Variants in TAOK3 observed in about 807,000 individuals in gnomAD.
The protein encoded by TAOK3 is TAO kinase 3.
Under a neutral mutation model 120.4 loss-of-function variants are expected in TAOK3, and 40 were observed. That is an observed-to-expected ratio of 0.33 (90% confidence interval 0.26 to 0.43). The LOEUF (loss-of-function observed/expected upper bound fraction) is 0.43, where lower values mean the gene tolerates loss of function less well. Ranked by LOEUF, TAOK3 falls within the 20% of genes least tolerant of loss-of-function variation. TAOK3 has a pLI of 1.00. For synonymous variants in TAOK3, 355 were observed against 387.5 expected (o/e 0.92, Z 0.99); for missense variants, 821 against 1,112.1 (o/e 0.74, Z 3.72).
At chr12:118,170,556 G>C (rs894460921) in intron 17 of TAOK3, among the ~76,000 whole-genome samples, 1 of 152,168 alleles carries the variant, frequency 6.6e-6, no homozygotes, top group Non-Finnish European at 1.5e-5. Flanking sequence ...GAGCTCAAGA[G>C]TTTGAGACCA....
At chr12:118,186,672 C>T (rs1464536905) in intron 14 of TAOK3, among the ~76,000 whole-genome samples, 2 of 152,098 alleles carry the variant, frequency 1.3e-5, no homozygotes, top group East Asian at 3.8e-4. Context: ...CCATGAAATA[C>T]CCTTCCTTTT....
chr12:118,343,071 T>C (rs1481263779), intron 1 of TAOK3, among the ~76,000 whole-genome samples: 1 of 152,106 alleles, frequency 6.6e-6, no homozygotes, highest in Non-Finnish European at 1.5e-5. Context: ...GCTACATCTA[T>C]TGGCAAATTC....
chr12:118,329,370 C>G (rs538832118), intron 1 of TAOK3, among the ~76,000 whole-genome samples: 1 of 152,022 alleles, frequency 6.6e-6, no homozygotes, highest in Non-Finnish European at 1.5e-5. Context: ...CTGAAGGATA[C>G]GAATTGCAAA....
At chr12:118,347,507 C>T (rs2044918433) in intron 1 of TAOK3, among the ~76,000 whole-genome samples, 1 of 152,164 alleles carries the variant, frequency 6.6e-6, no homozygotes, top group African/African-American at 2.4e-5. Context: ...CTCACTAGCT[C>T]CAGCCTCCTC....
chr12:118,204,987 T>C (rs1277021651), intron 11 of TAOK3, among the ~76,000 whole-genome samples: 3 of 151,796 alleles, frequency 2.0e-5, no homozygotes, highest in African/African-American at 7.3e-5. Flanking sequence ...TTGGCCAACA[T>C]GATGAAACTC....
Position 118,233,725 on chromosome 12 carries a change from A to ACTGT in TAOK3, c.588_591dup (p.Tyr198ThrfsTer3). The stretch of plus-strand genomic sequence containing the variant: ...GACCAAATATCAACTTTCCCATCAT[A>ACTGT]CTGTCCTTCATCCATAGCTAAGATC... On this transcript the variant is annotated frameshift_variant, in exon 9 of 21. Transcript: ENST00000392533. LOFTEE classifies it high-confidence loss of function. The ACTGT allele has an allele frequency of 6.2e-7, 1 of 1,609,264 alleles. No homozygotes were observed. Among genetic ancestry groups the ACTGT allele is most frequent in the South Asian group, 1.1e-5 (1 of 90,438 alleles).
At chr12:118,266,530 C>T (rs960416793) in intron 2 of TAOK3, 125 bp downstream of exon 2, 4 of 379,608 alleles carry the variant, frequency 1.1e-5, no homozygotes, top group Non-Finnish European at 1.9e-5. Flanking sequence ...ATATTTTATC[C>T]CAATTTTATT....
intron 8 of TAOK3, among the ~76,000 whole-genome samples, 165 bp downstream of exon 8, chr12:118,235,393 A>G (rs1213934019): frequency 2.6e-5 from 4 of 152,222 alleles, no homozygotes; most frequent in African/African-American, 7.2e-5. Flanking sequence ...ATACAAAGCC[A>G]GAGTGTTTCT....
chr12:118,209,471 C>T (rs913405114), intron 11 of TAOK3, among the ~76,000 whole-genome samples: 9 of 152,186 alleles, frequency 5.9e-5, no homozygotes, highest in East Asian at 1.9e-4. Flanking sequence ...GGCACAATCT[C>T]GGCTCACTGC....
rs1041461365 is a variant in TAOK3 at position 118,149,857 on chromosome 12, C to T, written c.*1140G>A. ...TAAAAGCTCTGACAGTTATCATGCTCTTCCTTGGAACCTGAAAAATGTTTT... is the reference window on the plus strand; with the variant it reads ...TAAAAGCTCTGACAGTTATCATGCTTTTCCTTGGAACCTGAAAAATGTTTT... On this transcript the variant is annotated 3_prime_UTR_variant, in exon 21 of 21. Coordinates refer to ENST00000392533, the MANE Select transcript of TAOK3 (RefSeq NM_016281.4). 2.0e-5 allele frequency: 3 copies of T among 152,002 alleles called. No homozygotes were observed. The highest frequency in any genetic ancestry group is 4.8e-5 in the African/African-American group (2 of 41,398). The allele number at this position is 152,002 out of a possible 1,614,324, so 9.4% of individuals were successfully genotyped here. A position where few individuals can be genotyped will look rare whatever the true frequency, so the allele number is the denominator to read the frequency against.
intron 1 of TAOK3, among the ~76,000 whole-genome samples, chr12:118,362,815 C>T (rs942730347): frequency 6.6e-6 from 1 of 151,906 alleles, no homozygotes; most frequent in African/African-American, 2.4e-5. Context: ...GTCAGGAGTT[C>T]GAGACCAGCC....
chr12:118,225,246 CA>C (rs34923071), intron 9 of TAOK3, among the ~76,000 whole-genome samples: 4,185 of 75,774 alleles, frequency 0.055, 85 homozygotes, highest in East Asian at 0.26. Context: ...GAGACTGTCT[CA>C]AAAAAAAAAA....
intron 3 of TAOK3, chr12:118,246,051 A>G (rs1461116751): frequency 2.3e-6 from 2 of 865,070 alleles, no homozygotes; most frequent in African/African-American, 1.7e-5. Flanking sequence ...AAAAAATTAT[A>G]AAAGAATTGC....
chr12:118,293,261 A>G (rs79999279), intron 1 of TAOK3, among the ~76,000 whole-genome samples: 3,093 of 152,318 alleles, frequency 0.02, 107 homozygotes, highest in African/African-American at 0.071. Flanking sequence ...GGATGCCTCT[A>G]TGTTCTTAAA....
intron 1 of TAOK3, among the ~76,000 whole-genome samples, chr12:118,305,145 G>A (rs1593475465): frequency 6.6e-6 from 1 of 152,142 alleles, no homozygotes; most frequent in African/African-American, 2.4e-5. Context: ...GATAGTGTAT[G>A]TAATGTGTTA....
At chr12:118,164,269 G>T (rs1250880397) in intron 17 of TAOK3, among the ~76,000 whole-genome samples, 1 of 151,446 alleles carries the variant, frequency 6.6e-6, no homozygotes, top group Non-Finnish European at 1.5e-5. Context: ...GTAGCTTGCA[G>T]GGAGCCAAGA....
intron 1 of TAOK3, among the ~76,000 whole-genome samples, chr12:118,315,285 G>A (rs2043415171): frequency 6.6e-6 from 1 of 152,132 alleles, no homozygotes; most frequent in Non-Finnish European, 1.5e-5. Flanking sequence ...GTGGGGAAAA[G>A]GATAACTGAT....
At chr12:118,239,997 T>A (rs2040177896) in intron 5 of TAOK3, among the ~76,000 whole-genome samples, 1 of 151,970 alleles carries the variant, frequency 6.6e-6, no homozygotes, top group South Asian at 2.1e-4. Flanking sequence ...TGAAACCCCA[T>A]CTCTACTAAA....
chr12:118,256,386 A>G (rs1372749334), intron 2 of TAOK3, among the ~76,000 whole-genome samples: 1 of 152,222 alleles, frequency 6.6e-6, no homozygotes, highest in African/African-American at 2.4e-5. Flanking sequence ...TTTGACCCAG[A>G]GTTTCCACTT....
Sources: allele counts gnomAD v4.1 joint callset (sites outside exome capture counted in the v4.1 genomes callset), GRCh38; gene constraint gnomAD v4.1.1; transcripts MANE v1.5; gene names NCBI Gene and HGNC (gene_info 2026-07-23, HGNC 2026-07-21).